Variants in SNX10 observed in about 807,000 individuals in gnomAD.
SNX10 encodes the protein sorting nexin-10.
Under a neutral mutation model 28.5 loss-of-function variants are expected in SNX10, and 25 were observed. The observed-to-expected ratio is 0.88, with a 90% CI of 0.64 to 1.22. SNX10 has a LOEUF of 1.22. Among genes scored for constraint, SNX10 ranks in the 50% most tolerant of loss-of-function variants. SNX10 has a pLI of 0.00. For synonymous variants in SNX10, 62 were observed against 81.4 expected (o/e 0.76, Z 1.28); for missense variants, 223 against 242.6 (o/e 0.92, Z 0.54).
At chr7:26,353,988 C>G (rs556321187) in intron 2 of SNX10, 1 of 152,318 alleles carries the variant, frequency 6.6e-6, no homozygotes, top group Non-Finnish European at 1.5e-5. Flanking sequence ...CACTTAACAC[C>G]TAGACATTCT....
chr7:26,334,375 CAT>C (rs1385817441), intron 1 of SNX10, among the ~76,000 whole-genome samples: 9 of 152,128 alleles, frequency 5.9e-5, no homozygotes, highest in Non-Finnish European at 8.8e-5. Flanking sequence ...TCCTCTCTCT[CAT>C]ATGTAATTTT....
intron 5 of SNX10, among the ~76,000 whole-genome samples, chr7:26,370,205 A>G (rs930753779): frequency 6.6e-6 from 1 of 152,236 alleles, no homozygotes; most frequent in African/African-American, 2.4e-5. Context: ...TTCACGATCC[A>G]AGTTCGTATT....
At chr7:26,351,550 A>G (rs1398224554) in intron 2 of SNX10, among the ~76,000 whole-genome samples, 4 of 152,170 alleles carry the variant, frequency 2.6e-5, no homozygotes, top group Admixed American at 2.0e-4. Context: ...GAGGAGCCCA[A>G]GGAAACACAA....
chr7:26,373,813 C>T lies in SNX10; in HGVS notation c.*1241C>T, dbSNP rs1409489583. On this transcript the variant is annotated 3_prime_UTR_variant, in exon 7 of 7. Transcript: ENST00000338523. The surrounding 1 kb of genome is among the most constrained non-coding windows in gnomAD (Gnocchi z 4.2). ...TGGCAGAGGCTACTACAAAAAGCAA[C>T]CTTTTCATTTTCACTAAGAGTTTAA... 6.6e-6 allele frequency: 1 copy of T among 151,804 alleles called. No homozygotes were observed. The allele number at this position is 151,804 out of a possible 1,614,324, so 9.4% of individuals were successfully genotyped here.
At chr7:26,317,101 C>T (rs1262899377) in intron 1 of SNX10, among the ~76,000 whole-genome samples, 3 of 152,152 alleles carry the variant, frequency 2.0e-5, no homozygotes, top group Non-Finnish European at 4.4e-5. Flanking sequence ...GGGGCACAGA[C>T]ATTAATTCAG....
intron 1 of SNX10, among the ~76,000 whole-genome samples, chr7:26,328,066 C>A (rs1787573953): frequency 6.6e-6 from 1 of 152,088 alleles, no homozygotes; most frequent in South Asian, 2.1e-4. Context: ...ATTTACTGAA[C>A]CACTTGCTAA....
chr7:26,303,408 C>T (rs138859132), intron 1 of SNX10, among the ~76,000 whole-genome samples: 1 of 152,330 alleles, frequency 6.6e-6, no homozygotes, highest in African/African-American at 2.4e-5. Flanking sequence ...TCTCTACTTG[C>T]ACATGGTTCA....
chr7:26,306,648 G>A (rs991066277), intron 1 of SNX10, among the ~76,000 whole-genome samples: 4 of 152,060 alleles, frequency 2.6e-5, no homozygotes, highest in South Asian at 2.1e-4. Context: ...TGATCCACCC[G>A]CCTCAGCCTC....
rs1404191419 is a variant in SNX10, at chr7:26,369,187, C to CTTT, written c.312-2631_312-2629dup. Among the ~76,000 whole-genome samples, 15 of 152,160 alleles carry CTTT rather than the reference C, an allele frequency of 9.9e-5. No homozygotes were observed. The East Asian group carries it at 2.9e-3, about 29-fold the overall frequency. On this transcript the variant is annotated intron_variant, in intron 5 of 6. Coordinates refer to ENST00000338523, the MANE Select transcript of SNX10 (RefSeq NM_013322.3). ...TTTATAAAGGTTTGAAAATCATATA[C>CTTT]TTTTTAAATGGAGGTTTCTACAAAT...
At chr7:26,305,431 C>T (rs1385845671) in intron 1 of SNX10, among the ~76,000 whole-genome samples, 5 of 152,162 alleles carry the variant, frequency 3.3e-5, no homozygotes, top group Admixed American at 3.3e-4. Flanking sequence ...TGTAGCAGCT[C>T]TTATTGTAGA....
chr7:26,294,688 T>C (rs1222593283), intron 1 of SNX10, among the ~76,000 whole-genome samples: 1 of 152,238 alleles, frequency 6.6e-6, no homozygotes, highest in Admixed American at 6.5e-5. Context: ...AACAAATGTG[T>C]GTCAGATTTC....
chr7:26,343,350 T>G (rs1288700687), intron 1 of SNX10, among the ~76,000 whole-genome samples: 1 of 152,164 alleles, frequency 6.6e-6, no homozygotes, highest in Admixed American at 6.5e-5. Context: ...TTGCACTCTT[T>G]CATAGTGTGA....
intron 1 of SNX10, among the ~76,000 whole-genome samples, chr7:26,309,272 C>A (rs746150728): frequency 3.3e-5 from 5 of 151,756 alleles, no homozygotes; most frequent in Non-Finnish European, 7.4e-5. Context: ...GTTCTTCTGG[C>A]ACATCACAGT....
chr7:26,346,505 T>C, intron 2 of SNX10, 39 bp downstream of exon 2: 1 of 1,483,192 alleles, frequency 6.7e-7, no homozygotes, highest in Non-Finnish European at 9.4e-7. Flanking sequence ...AACCCACTTA[T>C]TTTGATTCAC....
chr7:26,357,042 G>A (rs913289609), intron 2 of SNX10: 52 of 1,215,574 alleles, frequency 4.3e-5, no homozygotes, highest in Non-Finnish European at 5.5e-5. Flanking sequence ...CTAATGGAAG[G>A]CATTGGATGT....
intron 1 of SNX10, among the ~76,000 whole-genome samples, chr7:26,333,128 A>G (rs1217004581): frequency 6.6e-6 from 1 of 152,128 alleles, no homozygotes; most frequent in Non-Finnish European, 1.5e-5. Flanking sequence ...GGATTCTGAT[A>G]GTGATCGTGC....
At chr7:26,336,372 TAA>T (rs35209815) in intron 1 of SNX10, among the ~76,000 whole-genome samples, 5 of 140,616 alleles carry the variant, frequency 3.6e-5, no homozygotes, top group East Asian at 2.0e-4. Flanking sequence ...AGTAAATATG[TAA>T]AAAAAAAAAA....
intron 1 of SNX10, among the ~76,000 whole-genome samples, chr7:26,294,729 CT>C (rs1402680746): frequency 6.6e-6 from 1 of 152,210 alleles, no homozygotes; most frequent in Non-Finnish European, 1.5e-5. Context: ...CTAGGGCTTA[CT>C]GTGTGGTAGG....
intron 5 of SNX10, among the ~76,000 whole-genome samples, chr7:26,368,018 T>C (rs1789365796): frequency 6.6e-6 from 1 of 152,246 alleles, no homozygotes; most frequent in Non-Finnish European, 1.5e-5. Context: ...AGGTCATTTG[T>C]GAAATGATAC....
Sources: allele counts gnomAD v4.1 joint callset (sites outside exome capture counted in the v4.1 genomes callset), GRCh38; gene constraint gnomAD v4.1.1; non-coding constraint Gnocchi (gnomAD v3.1); transcripts MANE v1.5; gene names NCBI Gene and HGNC (gene_info 2026-07-23, HGNC 2026-07-21).